Variants in ZNF430 observed in about 807,000 individuals in gnomAD.
ZNF430 encodes zinc finger protein 430.
Under a neutral mutation model 56.7 loss-of-function variants are expected in ZNF430, and 35 were observed. The observed-to-expected ratio is 0.62, with a 90% CI of 0.47 to 0.82. ZNF430 has a LOEUF of 0.82. ZNF430 is among the 40% of genes least tolerant of loss of function. The pLI is 0.00. For synonymous variants in ZNF430, 212 were observed against 224.3 expected, an observed-to-expected ratio of 0.94 and a Z score of 0.49; for missense variants, 574 against 661.0, an observed-to-expected ratio of 0.87 and a Z score of 1.44.
At chr19:21,041,675 T>A (rs527910854) in intron 4 of ZNF430, among the ~76,000 whole-genome samples, 1 of 151,996 alleles carries the variant, frequency 6.6e-6, no homozygotes, top group East Asian at 1.9e-4. Flanking sequence ...TCTGACAGGT[T>A]CCAGTGTGTG....
intron 4 of ZNF430, among the ~76,000 whole-genome samples, chr19:21,045,577 A>C (rs1291746213): frequency 6.6e-6 from 1 of 152,176 alleles, no homozygotes; most frequent in Non-Finnish European, 1.5e-5. Flanking sequence ...GTAGATATCT[A>C]TCAGGTCCAT....
chr19:21,049,861 T>A (rs990685883), intron 4 of ZNF430, among the ~76,000 whole-genome samples: 1 of 152,130 alleles, frequency 6.6e-6, no homozygotes, highest in African/African-American at 2.4e-5. Flanking sequence ...ACATCAAAAT[T>A]TGGGAAGTTC....
chr19:21,053,940 G>A (rs190649804), intron 4 of ZNF430, among the ~76,000 whole-genome samples: 4 of 150,902 alleles, frequency 2.7e-5, no homozygotes, highest in African/African-American at 9.7e-5. Context: ...TATATTATTT[G>A]TGCTATCTTG....
chr19:21,036,787 G>A (rs1261258723), intron 4 of ZNF430: 8 of 140,942 alleles, frequency 5.7e-5, no homozygotes, highest in Admixed American at 5.0e-4. Flanking sequence ...TTTTGACAGA[G>A]TGAGACTGTG....
intron 2 of ZNF430, among the ~76,000 whole-genome samples, chr19:21,026,289 A>G (rs1337868476): frequency 1.3e-5 from 2 of 151,870 alleles, no homozygotes; most frequent in Non-Finnish European, 2.9e-5. Context: ...CCCAGGTTCA[A>G]GTTATTCTCC....
At chr19:21,032,915 A>C (rs1219415838) in intron 2 of ZNF430, among the ~76,000 whole-genome samples, 1 of 152,240 alleles carries the variant, frequency 6.6e-6, no homozygotes, top group East Asian at 1.9e-4. Flanking sequence ...ATGTAAATAT[A>C]GCACTCGAAG....
chr19:21,031,324 A>C (rs983771127), intron 2 of ZNF430, among the ~76,000 whole-genome samples: 2 of 152,128 alleles, frequency 1.3e-5, no homozygotes, highest in Admixed American at 1.3e-4. Context: ...GTGAGGCCAG[A>C]ATCAAGTATG....
chr19:21,049,733 C>CATTTCTTGTTACATTTG, intron 4 of ZNF430, among the ~76,000 whole-genome samples: 2 of 151,874 alleles, frequency 1.3e-5, no homozygotes, highest in Non-Finnish European at 2.9e-5. Context: ...TGTTACATTT[C>CATTTCTTGTTACATTTG]GTGTAACATT....
chr19:21,033,425 T>C (rs771351060), intron 2 of ZNF430, 31 bp from the exon 3 acceptor site: 7 of 1,593,934 alleles, frequency 4.4e-6, no homozygotes, highest in Non-Finnish European at 6.0e-6. Flanking sequence ...TTGGTAAATA[T>C]ACGTGTGTCT....
At chr19:21,034,259 A>G in intron 4 of ZNF430, 75 bp downstream of exon 4, 3 of 1,127,364 alleles carry the variant, frequency 2.7e-6, no homozygotes, top group Non-Finnish European at 3.8e-6. Flanking sequence ...TTAAAATGTT[A>G]TTTGAGAATC....
intron 2 of ZNF430, among the ~76,000 whole-genome samples, chr19:21,029,502 C>T (rs1010486003): frequency 5.9e-5 from 9 of 152,006 alleles, no homozygotes; most frequent in African/African-American, 2.2e-4. Context: ...TTAAGATTCT[C>T]TTATGTAAGC....
At chr19:21,022,089 T>A (rs1967700742) in intron 1 of ZNF430, among the ~76,000 whole-genome samples, 1 of 152,106 alleles carries the variant, frequency 6.6e-6, no homozygotes, top group South Asian at 2.1e-4. Flanking sequence ...CCGCCTGCCT[T>A]GGCCTCCCAA....
intron 4 of ZNF430, among the ~76,000 whole-genome samples, chr19:21,046,480 TTTTTTC>T (rs1968188112): frequency 6.6e-6 from 1 of 152,176 alleles, no homozygotes. Context: ...TAGTAATGGT[TTTTTTC>T]TTTCCATGTT....
At chr19:21,025,907 A>G (rs1345209162) in intron 2 of ZNF430, 5 of 403,386 alleles carry the variant, frequency 1.2e-5, no homozygotes, top group Middle Eastern at 4.2e-4. Context: ...TTCTGCAGCC[A>G]TATCTTCTTA....
chr19:21,042,589 C>G (rs568128433), intron 4 of ZNF430, among the ~76,000 whole-genome samples: 5 of 152,252 alleles, frequency 3.3e-5, no homozygotes, highest in South Asian at 4.1e-4. Flanking sequence ...GAAATTGACA[C>G]CATCCTGGCT....
chr19:21,036,501 A>G (rs1968002569), intron 4 of ZNF430: 1 of 152,138 alleles, frequency 6.6e-6, no homozygotes, highest in African/African-American at 2.4e-5. Context: ...AAAAACACAT[A>G]ATATTTACCA....
At chr19:21,056,207 C>T (rs930097883) in intron 4 of ZNF430, among the ~76,000 whole-genome samples, 1 of 151,844 alleles carries the variant, frequency 6.6e-6, no homozygotes, top group African/African-American at 2.4e-5. Flanking sequence ...GGGCCAGGCG[C>T]GGTGGCTGGT....
chr19:21,051,991 TA>T lies in ZNF430; in HGVS notation c.323-4630del, dbSNP rs201673648. On this transcript the variant is annotated intron_variant, in intron 4 of 4. Coordinates refer to ENST00000261560, the MANE Select transcript of ZNF430 (RefSeq NM_025189.4). ...TTTCCTCAAAAATGCAATGAGAAAT[TA>T]AAAAAAAAATTGCATTAAATCTCTG... Among the ~76,000 whole-genome samples the T allele has an allele frequency of 5.1e-3, 771 of 150,286 alleles. 4 individuals carry two copies. Among genetic ancestry groups the T allele is most frequent in the African/African-American group, 0.017 (711 of 41,110 alleles).
At chr19:21,043,338 G>T (rs1968139479) in intron 4 of ZNF430, among the ~76,000 whole-genome samples, 1 of 152,096 alleles carries the variant, frequency 6.6e-6, no homozygotes, top group African/African-American at 2.4e-5. Flanking sequence ...TCTGCATAGG[G>T]CTAGCCAATT....
Sources: allele counts gnomAD v4.1 joint callset (sites outside exome capture counted in the v4.1 genomes callset), GRCh38; gene constraint gnomAD v4.1.1; transcripts MANE v1.5; gene names NCBI Gene and HGNC (gene_info 2026-07-23, HGNC 2026-07-21).